Variants in ARHGAP6 observed in about 807,000 individuals in gnomAD.
The protein encoded by ARHGAP6 is Rho GTPase activating protein 6.
ARHGAP6 carries 16 observed loss-of-function variants against 55.7 expected under a neutral mutation model. The observed-to-expected ratio is 0.29, with a 90% CI of 0.19 to 0.44. ARHGAP6 has a LOEUF of 0.44. Ranked by LOEUF, ARHGAP6 falls within the 20% of genes least tolerant of loss-of-function variation. The pLI, the probability that ARHGAP6 is intolerant of heterozygous loss-of-function variation, is 1.00. For synonymous variants in ARHGAP6, 382 were observed against 360.9 expected (o/e 1.06, Z -0.66); for missense variants, 698 against 808.9 (o/e 0.86, Z 1.66).
intron 8 of ARHGAP6, among the ~76,000 whole-genome samples, chrX:11,176,370 G>T (rs2046225822): frequency 1.4e-5 from 1 of 71,429 alleles, no homozygotes; most frequent in African/African-American, 4.9e-5. Flanking sequence ...CACAAAGCCA[G>T]CTCATGGAAG....
chrX:11,266,043 G>GCC (rs2047619975), intron 1 of ARHGAP6: 1 of 270,176 alleles, frequency 3.7e-6, no homozygotes, highest in African/African-American at 3.4e-5. Flanking sequence ...CTGTGTGTGT[G>GCC]TGTGTGTGTG....
chrX:11,602,530 A>T (rs1269297980), intron 1 of ARHGAP6, among the ~76,000 whole-genome samples: 1 of 112,786 alleles, frequency 8.9e-6, no homozygotes, highest in Admixed American at 9.3e-5. Context: ...CCTCCAGGCT[A>T]CAAGTTCAGG....
At chrX:11,539,781 G>T (rs2051138898) in intron 1 of ARHGAP6, among the ~76,000 whole-genome samples, 1 of 111,758 alleles carries the variant, frequency 8.9e-6, no homozygotes. Context: ...TCTGGCAAAG[G>T]ATACAGACCT....
intron 2 of ARHGAP6, among the ~76,000 whole-genome samples, chrX:11,208,598 C>A (rs2046742876): frequency 8.9e-6 from 1 of 112,196 alleles, no homozygotes. Context: ...CCTCTAAGCC[C>A]TTGGAATATC....
At chrX:11,427,884 G>C in intron 1 of ARHGAP6, 1 of 609,177 alleles carries the variant, frequency 1.6e-6, no homozygotes, top group Non-Finnish European at 2.0e-6. Context: ...AGTCTGATGC[G>C]ATGGGCGGGC....
At chrX:11,531,869 C>T (rs1283610253) in intron 1 of ARHGAP6, among the ~76,000 whole-genome samples, 1 of 112,325 alleles carries the variant, frequency 8.9e-6, no homozygotes, top group Non-Finnish European at 1.9e-5. Flanking sequence ...ATTCTTACAA[C>T]TCAAAGTGTG....
At chrX:11,301,172 T>C (rs964213966) in intron 1 of ARHGAP6, among the ~76,000 whole-genome samples, 2 of 43,431 alleles carry the variant, frequency 4.6e-5, no homozygotes, top group Middle Eastern at 9.6e-3. Flanking sequence ...GGTCTTTTGA[T>C]CTCATTCTAT....
intron 2 of ARHGAP6, among the ~76,000 whole-genome samples, chrX:11,217,980 C>T (rs759519514): frequency 4.4e-4 from 49 of 111,721 alleles, no homozygotes; most frequent in East Asian, 2.8e-3. Flanking sequence ...ATCTTTTCCC[C>T]GTTGCTTGTT....
intron 1 of ARHGAP6, among the ~76,000 whole-genome samples, chrX:11,590,996 A>T (rs12393556): frequency 0.24 from 24,676 of 103,293 alleles, 2,530 homozygotes; most frequent in Middle Eastern, 0.34. Context: ...CACGCCTGTA[A>T]TCCTAGCCAA....
At chrX:11,651,588 C>T (rs913225271) in intron 1 of ARHGAP6, among the ~76,000 whole-genome samples, 1 of 111,598 alleles carries the variant, frequency 9.0e-6, no homozygotes, top group Non-Finnish European at 1.9e-5. Flanking sequence ...GTGAATGGTG[C>T]TGCAATGAAC....
At chrX:11,179,734 ATATG>A (rs774350525) in intron 6 of ARHGAP6, among the ~76,000 whole-genome samples, 154 of 97,771 alleles carry the variant, frequency 1.6e-3, no homozygotes, top group Middle Eastern at 0.011. Context: ...TATGTATTGT[ATATG>A]TATATACATA....
At chrX:11,156,406 A>C in intron 10 of ARHGAP6, 123 bp downstream of exon 10, 1 of 559,373 alleles carries the variant, frequency 1.8e-6, no homozygotes, top group Non-Finnish European at 2.8e-6. Flanking sequence ...GAATTGCCAA[A>C]GAGTTGCCAA....
chrX:11,310,440 A>T, intron 1 of ARHGAP6, among the ~76,000 whole-genome samples: 1 of 111,332 alleles, frequency 9.0e-6, no homozygotes, highest in Non-Finnish European at 1.9e-5. Flanking sequence ...CAACCCAAAT[A>T]ATCCATCAAC....
chrX:11,608,589 A>G (rs887553919), intron 1 of ARHGAP6, among the ~76,000 whole-genome samples: 4 of 111,368 alleles, frequency 3.6e-5, no homozygotes, highest in African/African-American at 1.3e-4. Flanking sequence ...GCCCACTGAT[A>G]TGGTTTGGCT....
intron 1 of ARHGAP6, among the ~76,000 whole-genome samples, chrX:11,502,472 C>T (rs1370698599): frequency 8.9e-6 from 1 of 112,145 alleles, no homozygotes; most frequent in African/African-American, 3.2e-5. Flanking sequence ...GATTTGTATA[C>T]TTTTCTGCAC....
rs1230894641 is a variant in ARHGAP6, at chrX:11,370,395, T to C, written c.589-115688A>G. 2.7e-5 allele frequency among the ~76,000 whole-genome samples: 3 copies of C among 112,336 alleles called. No homozygotes were observed. In the Admixed American group the frequency reaches 2.8e-4, roughly 11 times the overall value. ...AAACCTATAGCGTCAACATCATTGT[T>C]GCAGTCATCAAAATTGTTATTCTCT... On this transcript the variant is annotated intron_variant, in intron 1 of 12. Transcript: ENST00000337414.
At chrX:11,606,358 T>C (rs750836444) in intron 1 of ARHGAP6, among the ~76,000 whole-genome samples, 1 of 111,697 alleles carries the variant, frequency 9.0e-6, no homozygotes, top group East Asian at 2.8e-4. Flanking sequence ...CGCATTTTTA[T>C]TAAACTCTTT....
chrX:11,654,641 T>C (rs1440586668), intron 1 of ARHGAP6, among the ~76,000 whole-genome samples: 1 of 111,913 alleles, frequency 8.9e-6, no homozygotes, highest in Non-Finnish European at 1.9e-5. Context: ...TAATAGCTTC[T>C]CTGTGCTTGC....
chrX:11,523,141 T>G (rs1336206941), intron 1 of ARHGAP6, among the ~76,000 whole-genome samples: 2 of 112,000 alleles, frequency 1.8e-5, no homozygotes, highest in African/African-American at 6.5e-5. Flanking sequence ...AACCACATCA[T>G]TATTTCAATA....
Sources: gnomAD v4.1 joint callset for allele counts (sites outside exome capture counted in the v4.1 genomes callset) on GRCh38, gnomAD v4.1.1 for gene constraint, MANE v1.5 for transcripts, NCBI Gene and HGNC (gene_info 2026-07-23, HGNC 2026-07-21) for gene names.